The following OPCML variants were observed in gnomAD, a reference collection of about 807,000 sequenced individuals.
OPCML encodes the protein opioid binding protein/cell adhesion molecule like, also known as opioid-binding protein/cell adhesion molecule.
In OPCML, 13 loss-of-function variants were observed where a neutral mutation model predicts 37.8. The ratio of observed to expected loss-of-function variants is 0.34; its 90% CI spans 0.22 to 0.55. OPCML has a LOEUF of 0.55. Ranked by LOEUF, OPCML falls within the 20% of genes least tolerant of loss-of-function variation. OPCML has a pLI of 0.91. For synonymous variants in OPCML, 176 were observed against 168.8 expected, an observed-to-expected ratio of 1.04 and a Z score of -0.33; for missense variants, 341 against 435.6, an observed-to-expected ratio of 0.78 and a Z score of 1.93.
At chr11:133,517,355 G>A (rs1331800437) in intron 1 of OPCML, among the ~76,000 whole-genome samples, 1 of 152,092 alleles carries the variant, frequency 6.6e-6, no homozygotes. Flanking sequence ...TGCCTAAAAT[G>A]GTTTTTGTAA....
At chr11:133,531,585 G>C (rs1051719457) in intron 1 of OPCML, among the ~76,000 whole-genome samples, 1 of 152,130 alleles carries the variant, frequency 6.6e-6, no homozygotes, top group South Asian at 2.1e-4. Context: ...AAGAAAGGAC[G>C]GCAGGCAGTA....
intron 1 of OPCML, among the ~76,000 whole-genome samples, chr11:133,351,308 T>G (rs1944132030): frequency 6.6e-6 from 1 of 152,182 alleles, no homozygotes; most frequent in South Asian, 2.1e-4. Context: ...AATTGAGCTT[T>G]CAACTCCATC....
intron 1 of OPCML, among the ~76,000 whole-genome samples, chr11:132,966,954 A>T (rs963706809): frequency 3.3e-5 from 5 of 152,072 alleles, no homozygotes; most frequent in African/African-American, 1.2e-4. Context: ...GATAGTATGT[A>T]GTTGGATTTT....
Position 132,625,643 on chromosome 11 carries a change from A to G in OPCML, c.379+31444T>C, listed in dbSNP as rs569241728. Among the ~76,000 whole-genome samples the G allele has an allele frequency of 2.1e-3, 327 of 152,266 alleles. 1 individual carries two copies. Among genetic ancestry groups the G allele is most frequent in the South Asian group, 7.7e-3 (37 of 4,818 alleles). On this transcript the variant is annotated intron_variant, in intron 3 of 7. Transcript: ENST00000524381. ...TGCTAACACGTCACACACATACACC[A>G]ATGTTGTAGGAGTTGTGTGTCTGCT...
intron 1 of OPCML, among the ~76,000 whole-genome samples, chr11:133,371,830 C>A (rs976870145): frequency 1.3e-5 from 2 of 152,254 alleles, no homozygotes; most frequent in South Asian, 4.1e-4. Context: ...TACTGGAATA[C>A]TATTTGGCCA....
intron 1 of OPCML, among the ~76,000 whole-genome samples, chr11:133,015,419 G>GGAAGGAAGGAAGGAAGGAAT (rs1565398833): frequency 1.1e-3 from 99 of 89,070 alleles, no homozygotes; most frequent in African/African-American, 3.6e-3. Flanking sequence ...AAGGAAGGAA[G>GGAAGGAAGGAAGGAAGGAAT]GAAGGAAGGA....
chr11:132,466,702 T>C (rs2096121206), intron 4 of OPCML, among the ~76,000 whole-genome samples: 2 of 152,140 alleles, frequency 1.3e-5, no homozygotes, highest in Admixed American at 1.3e-4. Context: ...CGAGGAGTTG[T>C]AGGGTTTGCC....
Position 133,060,051 on chromosome 11 carries a change from T to C in OPCML, c.62-117041A>G, listed in dbSNP as rs541823277. Among the ~76,000 whole-genome samples the C allele has an allele frequency of 3.2e-4, 48 of 152,312 alleles. No homozygotes were observed. In the Middle Eastern group the frequency reaches 0.01, roughly 32 times the overall value. On this transcript the variant is annotated intron_variant, in intron 1 of 7. Transcript: ENST00000524381. ...CAAATTCTAGATTTGCCACAAACTT[T>C]CCATCAGATATTTTAAGGCCGTTCC...
At chr11:133,260,142 G>C (rs1644450004) in intron 1 of OPCML, among the ~76,000 whole-genome samples, 1 of 151,792 alleles carries the variant, frequency 6.6e-6, no homozygotes, top group Non-Finnish European at 1.5e-5. Flanking sequence ...GTTTCAGGAA[G>C]AGGACAGAGC....
intron 2 of OPCML, among the ~76,000 whole-genome samples, chr11:132,905,804 C>T (rs760140598): frequency 9.9e-5 from 15 of 152,098 alleles, no homozygotes; most frequent in Middle Eastern, 3.4e-3. Flanking sequence ...AATGTTTCTA[C>T]GCCTCTGTAT....
At chr11:132,445,413 A>G (rs1437099938) in intron 4 of OPCML, among the ~76,000 whole-genome samples, 2 of 152,056 alleles carry the variant, frequency 1.3e-5, no homozygotes, top group Non-Finnish European at 2.9e-5. Context: ...CCAAAGAGAA[A>G]CTCTCATACA....
At chr11:132,584,086 T>A (rs774218287) in intron 3 of OPCML, among the ~76,000 whole-genome samples, 39 of 151,936 alleles carry the variant, frequency 2.6e-4, no homozygotes, top group African/African-American at 6.5e-4. Flanking sequence ...GACAAGATTT[T>A]AAAAAAAACA....
intron 2 of OPCML, among the ~76,000 whole-genome samples, chr11:132,764,576 CA>C (rs1384592424): frequency 3.3e-5 from 5 of 152,306 alleles, no homozygotes; most frequent in Admixed American, 6.5e-5. Flanking sequence ...TCATGAGAAT[CA>C]AACTAGATAA....
At chr11:133,451,578 T>C (rs1427228784) in intron 1 of OPCML, among the ~76,000 whole-genome samples, 1 of 151,670 alleles carries the variant, frequency 6.6e-6, no homozygotes, top group Non-Finnish European at 1.5e-5. Context: ...GCGTGGTGGC[T>C]CATGCCTGTA....
chr11:132,873,432 C>T (rs1942884257), intron 2 of OPCML, among the ~76,000 whole-genome samples: 1 of 152,142 alleles, frequency 6.6e-6, no homozygotes, highest in African/African-American at 2.4e-5. Flanking sequence ...CCTCCTGCCC[C>T]TTACTGCGCC....
chr11:133,065,459 C>T (rs979657988), intron 1 of OPCML: 21 of 152,186 alleles, frequency 1.4e-4, no homozygotes, highest in African/African-American at 5.1e-4. Flanking sequence ...GACAAATGTG[C>T]CCCAGAGCCC....
In OPCML at chr11:132,420,275, T is replaced by C; in HGVS notation, c.935A>G (p.Asp312Gly). Residue 312 changes from aspartate to glycine, a missense_variant, in exon 8 of 8, where the codon GAT (aspartate) becomes GGT (glycine). Physicochemically the swap from Asp to Gly is moderately conservative, Grantham distance 94. Transcript: ENST00000524381. ...ITLYGPGAVI[D>G]GVNSASRALA... is the part of the protein sequence containing the mutation. ...TGCTCTGGAGGCCGAGTTTACACCA[T>C]CAATGACTGCTCCAGGCCCTGTGTA... 1 of 1,613,794 alleles carries C rather than the reference T, an allele frequency of 6.2e-7. No individual in the cohort carries two copies. Among genetic ancestry groups the C allele is most frequent in the Non-Finnish European group, 8.5e-7 (1 of 1,179,794 alleles).
chr11:132,857,147 G>A (rs1277962962), intron 2 of OPCML, among the ~76,000 whole-genome samples: 1 of 152,106 alleles, frequency 6.6e-6, no homozygotes, highest in Non-Finnish European at 1.5e-5. Context: ...CTCAACTCCT[G>A]TTATTGTCCA....
chr11:133,478,708 CT>C (rs1177336957), intron 1 of OPCML, among the ~76,000 whole-genome samples: 1 of 152,184 alleles, frequency 6.6e-6, no homozygotes, highest in Non-Finnish European at 1.5e-5. Context: ...TAAAACGATA[CT>C]TTCTGTTTCA....
Sources: gnomAD v4.1 joint callset for allele counts (sites outside exome capture counted in the v4.1 genomes callset) on GRCh38, gnomAD v4.1.1 for gene constraint, MANE v1.5 for transcripts, NCBI Gene and HGNC (gene_info 2026-07-23, HGNC 2026-07-21) for gene names.